Variants in HS2ST1 observed in about 807,000 individuals in gnomAD.
The protein encoded by HS2ST1 is heparan sulfate 2-O-sulfotransferase 1, also known as 2-O-sulfotransferase.
A neutral mutation model predicts 42.9 loss-of-function variants in HS2ST1; 18 were observed. The ratio of observed to expected loss-of-function variants is 0.42; its 90% CI spans 0.29 to 0.62. The LOEUF is 0.62. Ranked by LOEUF, HS2ST1 falls within the 20% of genes least tolerant of loss-of-function variation. The pLI is 0.21. For synonymous variants in HS2ST1, 146 were observed against 152.9 expected, an observed-to-expected ratio of 0.95 and a Z score of 0.33; for missense variants, 334 against 433.8, an observed-to-expected ratio of 0.77 and a Z score of 2.04.
chr1:86,985,944 ATTC>A (rs1252700567), intron 1 of HS2ST1, among the ~76,000 whole-genome samples: 1 of 150,848 alleles, frequency 6.6e-6, no homozygotes, highest in African/African-American at 2.4e-5. Flanking sequence ...AACACAAATT[ATTC>A]TTCTTTTATA....
chr1:86,963,149 A>G (rs1252129417), intron 1 of HS2ST1, among the ~76,000 whole-genome samples: 2 of 151,758 alleles, frequency 1.3e-5, no homozygotes, highest in African/African-American at 4.8e-5. Context: ...TGTGTTTATT[A>G]AATCTTTTTT....
rs144387010 is a variant in HS2ST1 at position 87,024,922 on chromosome 1, A to G, written c.125-48012A>G. Among the ~76,000 whole-genome samples the G allele has an allele frequency of 4.6e-3, 706 of 152,356 alleles. 4 individuals carry two copies. The highest frequency in any genetic ancestry group is 0.02 in the Middle Eastern group (6 of 294). ...GTGAGAAATTGTTTATTAAATGCCT[A>G]TATAACAATCATGCTTAATGTATGT... On this transcript the variant is annotated intron_variant, in intron 1 of 6. Transcript: ENST00000370550.
intron 1 of HS2ST1, among the ~76,000 whole-genome samples, chr1:87,068,656 A>G (rs180828853): frequency 6.6e-6 from 1 of 152,132 alleles, no homozygotes; most frequent in East Asian, 1.9e-4. Flanking sequence ...GGACTTCCCA[A>G]CACCTTTAAA....
At chr1:87,072,123 A>G (rs906736500) in intron 1 of HS2ST1, among the ~76,000 whole-genome samples, 1 of 152,172 alleles carries the variant, frequency 6.6e-6, no homozygotes, top group African/African-American at 2.4e-5. Context: ...TGCTTTTGAA[A>G]CCACATAGCA....
chr1:87,025,102 G>C (rs1355163913), intron 1 of HS2ST1, among the ~76,000 whole-genome samples: 2 of 152,152 alleles, frequency 1.3e-5, no homozygotes, highest in African/African-American at 4.8e-5. Context: ...GGTGTCAGAG[G>C]ATTGAATGAG....
At chr1:87,053,766 G>A (rs1483017093) in intron 1 of HS2ST1, among the ~76,000 whole-genome samples, 1 of 152,134 alleles carries the variant, frequency 6.6e-6, no homozygotes, top group Non-Finnish European at 1.5e-5. Context: ...ATGTTTAATA[G>A]ATTAGTACAT....
intron 1 of HS2ST1, among the ~76,000 whole-genome samples, chr1:86,963,750 C>T (rs1557495753): frequency 2.7e-5 from 4 of 149,486 alleles, no homozygotes; most frequent in Admixed American, 1.3e-4. Flanking sequence ...AGGCGCCCCC[C>T]CCCCCACCTC....
chr1:86,976,437 G>C (rs371156293), intron 1 of HS2ST1, among the ~76,000 whole-genome samples: 1 of 152,032 alleles, frequency 6.6e-6, no homozygotes, highest in African/African-American at 2.4e-5. Flanking sequence ...TTCCTAATGG[G>C]ATATAAGTTA....
chr1:86,956,948 A>G (rs1189926692), intron 1 of HS2ST1, among the ~76,000 whole-genome samples: 1 of 152,200 alleles, frequency 6.6e-6, no homozygotes, highest in African/African-American at 2.4e-5. Context: ...GTAAAAATAC[A>G]TTATATAACA....
intron 4 of HS2ST1, among the ~76,000 whole-genome samples, chr1:87,094,662 T>C (rs2100651760): frequency 6.6e-6 from 1 of 152,054 alleles, no homozygotes; most frequent in South Asian, 2.1e-4. Context: ...TGAAACGTGA[T>C]CCAAAGTTGC....
chr1:87,050,645 C>A (rs1455903652), intron 1 of HS2ST1, among the ~76,000 whole-genome samples: 3 of 152,066 alleles, frequency 2.0e-5, no homozygotes, highest in Non-Finnish European at 4.4e-5. Context: ...TCTTATATCA[C>A]CTTGGGAGCT....
chr1:86,960,818 G>A (rs1301909570), intron 1 of HS2ST1, among the ~76,000 whole-genome samples: 1 of 92,380 alleles, frequency 1.1e-5, no homozygotes, highest in Non-Finnish European at 2.6e-5. Flanking sequence ...ATTCATTGCT[G>A]GTGGGAATGC....
At chr1:87,066,140 T>C (rs1394070005) in intron 1 of HS2ST1, among the ~76,000 whole-genome samples, 1 of 152,244 alleles carries the variant, frequency 6.6e-6, no homozygotes, top group Non-Finnish European at 1.5e-5. Flanking sequence ...ATCATTTTAT[T>C]CTGTTAATAA....
chr1:86,984,378 A>G (rs1202792982), intron 1 of HS2ST1, among the ~76,000 whole-genome samples: 4 of 152,214 alleles, frequency 2.6e-5, no homozygotes, highest in South Asian at 2.1e-4. Context: ...CTTGGAATTC[A>G]TTTGGTTTCC....
chr1:87,002,404 G>C (rs1428031211), intron 1 of HS2ST1, among the ~76,000 whole-genome samples: 1 of 151,952 alleles, frequency 6.6e-6, no homozygotes, highest in Admixed American at 6.6e-5. Flanking sequence ...ACCAGCCTGG[G>C]CAATATGGTG....
rs569996191 is a variant in HS2ST1 at position 87,106,450 on chromosome 1, T to G, written c.*1754T>G. On this transcript the variant is annotated 3_prime_UTR_variant, in exon 7 of 7. Transcript: ENST00000370550. ...AATGGTAGCTATTCTATACCTATGG[T>G]TTAAGTAAATATTTCTGAATAAGGC... 6.6e-6 allele frequency: 1 copy of G among 152,210 alleles called. No individual in the cohort carries two copies. Among genetic ancestry groups the G allele is most frequent in the South Asian group, 2.1e-4 (1 of 4,830 alleles). 9.4% of individuals were successfully genotyped at this position (152,210 alleles called of 1,614,324 possible). A position where few individuals can be genotyped will look rare whatever the true frequency, so the allele number is the denominator to read the frequency against.
At position 87,108,492 on chromosome 1, in the gene HS2ST1, C is replaced by T. The variant is rs750467167; in HGVS notation, c.*3796C>T. 1.3e-5 allele frequency: 2 copies of T among 152,026 alleles called. No individual in the cohort carries two copies. The highest frequency in any genetic ancestry group is 2.4e-5 in the African/African-American group (1 of 41,424). 9.4% of individuals were successfully genotyped at this position (152,026 alleles called of 1,614,324 possible). On this transcript the variant is annotated 3_prime_UTR_variant, in exon 7 of 7. Coordinates refer to ENST00000370550, the MANE Select transcript of HS2ST1 (RefSeq NM_012262.4). Reference sequence around the variant, plus strand: ...GAAGTTGCTGTTATGTTTTTGCATCCGTTTACCCTATGCAAAGTTGCTGTA... The same window carrying T: ...GAAGTTGCTGTTATGTTTTTGCATCTGTTTACCCTATGCAAAGTTGCTGTA...
At chr1:87,011,730 C>G (rs1411101222) in intron 1 of HS2ST1, among the ~76,000 whole-genome samples, 1 of 152,174 alleles carries the variant, frequency 6.6e-6, no homozygotes, top group Non-Finnish European at 1.5e-5. Flanking sequence ...TTGAGCACCT[C>G]TATTAGGGTA....
chr1:87,008,331 A>G (rs1460707389), intron 1 of HS2ST1, among the ~76,000 whole-genome samples: 1 of 152,212 alleles, frequency 6.6e-6, no homozygotes, highest in Non-Finnish European at 1.5e-5. Context: ...ATAATGTATA[A>G]CATATACCAT....
Sources: gnomAD v4.1 joint callset for allele counts (sites outside exome capture counted in the v4.1 genomes callset) on GRCh38, gnomAD v4.1.1 for gene constraint, MANE v1.5 for transcripts, NCBI Gene and HGNC (gene_info 2026-07-23, HGNC 2026-07-21) for gene names.